RNF10: variants seen among roughly 807,000 people sequenced by gnomAD.
The protein encoded by RNF10 is ring finger protein 10, also known as E3 ubiquitin-protein ligase RNF10.
Under a neutral mutation model 91.4 loss-of-function variants are expected in RNF10, and 38 were observed. The ratio of observed to expected loss-of-function variants is 0.42; its 90% CI spans 0.32 to 0.54. The LOEUF (loss-of-function observed/expected upper bound fraction) is 0.54, where lower values mean the gene tolerates loss of function less well. Ranked by LOEUF, RNF10 falls within the 20% of genes least tolerant of loss-of-function variation. The probability of loss-of-function intolerance (pLI) is 0.16; values close to 1 mark genes in which losing one functional copy is unlikely to be tolerated. For missense variants in RNF10, 945 were observed against 1,012.0 expected (o/e 0.93, Z 0.90); for synonymous variants, 364 against 366.3 (o/e 0.99, Z 0.07).
Position 120,545,705 on chromosome 12 carries a change from T to C in RNF10, c.158-700T>C, listed in dbSNP as rs148356990. ...GGTGCCCGCCACCATGCGCGGCTAA[T>C]TTTTTGTATTTTTAATAGACATGGG... On this transcript the variant is annotated intron_variant, in intron 1 of 16. Coordinates refer to ENST00000325954, the MANE Select transcript of RNF10 (RefSeq NM_014868.5). Among the ~76,000 whole-genome samples, 1,313 of 152,144 alleles carry C rather than the reference T, an allele frequency of 8.6e-3. 14 individuals carry two copies. The highest frequency in any genetic ancestry group is 0.03 in the African/African-American group (1,250 of 41,508).
chr12:120,573,584 T>TA (rs1565974196), intron 14 of RNF10, among the ~76,000 whole-genome samples: 37 of 134,458 alleles, frequency 2.8e-4, no homozygotes, highest in African/African-American at 1.2e-3. Flanking sequence ...GAGTCATTTA[T>TA]CAAAAAAAAA....
Position 120,552,615 on chromosome 12 carries a change from T to G in RNF10, c.471T>G (p.Phe157Leu), listed in dbSNP as rs1012397616. 1 of 1,614,072 alleles carries G rather than the reference T, an allele frequency of 6.2e-7. No individual in the cohort carries two copies. The highest frequency in any genetic ancestry group is 8.5e-7 in the Non-Finnish European group (1 of 1,180,038). The part of the protein sequence containing the change: ...TFEPRGQTGH[F>L]EGSGHGSWGK... ...AACCCCGTGGCCAGACGGGTCACTTTGAAGGCAGTGGACATGGTAGCTGGG... is the reference window on the plus strand; with the variant it reads ...AACCCCGTGGCCAGACGGGTCACTTGGAAGGCAGTGGACATGGTAGCTGGG... Residue 157 changes from phenylalanine (F) to leucine (L), a missense_variant, in exon 3 of 17, where the codon TTT becomes TTG. By Grantham distance (22) the Phe-to-Leu change is conservative. Coordinates refer to ENST00000325954, the MANE Select transcript of RNF10 (RefSeq NM_014868.5).
At chr12:120,567,333 C>T (rs995443079) in intron 13 of RNF10, among the ~76,000 whole-genome samples, 2 of 77,098 alleles carry the variant, frequency 2.6e-5, no homozygotes, top group African/African-American at 5.9e-5. Context: ...GTTTTAATAG[C>T]TCAAAAAAAA....
chr12:120,563,124 GCTGGTAGGCATTA>G (rs1219315723), intron 8 of RNF10, 54 bp downstream of exon 8: 2 of 1,611,470 alleles, frequency 1.2e-6, no homozygotes, highest in Admixed American at 3.3e-5. Context: ...CTGTCATTGA[GCTGGTAGGCATTA>G]CTGTGAGATC....
At position 120,567,037 on chromosome 12, in the gene RNF10, G is replaced by A. The variant is rs1875844291; in HGVS notation, c.2041+57G>A. 5.8e-6 allele frequency: 9 copies of A among 1,546,718 alleles called. No individual in the cohort carries two copies. The Admixed American group carries it at 1.5e-4, about 25-fold the overall frequency. ...TCAGTTAGACCTTATGCAAAGCTTT[G>A]GTGTCTGAGTTTACAACCCCGGCCC... On this transcript the variant is annotated intron_variant, in intron 13 of 16. Coordinates refer to ENST00000325954, the MANE Select transcript of RNF10 (RefSeq NM_014868.5).
At chr12:120,558,675 T>C (rs1266762548) in intron 6 of RNF10, among the ~76,000 whole-genome samples, 4 of 150,832 alleles carry the variant, frequency 2.7e-5, no homozygotes, top group Non-Finnish European at 5.9e-5. Context: ...TTTGAGCGAT[T>C]CTCGTGCCTC....
At chr12:120,559,252 G>T (rs1444254560) in intron 6 of RNF10, among the ~76,000 whole-genome samples, 1 of 145,836 alleles carries the variant, frequency 6.9e-6, no homozygotes, top group African/African-American at 2.6e-5. Context: ...TGTGATCTCG[G>T]CTCACTGCAA....
At chr12:120,540,908 G>A (rs1209772224) in intron 1 of RNF10, among the ~76,000 whole-genome samples, 1 of 149,472 alleles carries the variant, frequency 6.7e-6, no homozygotes, top group Non-Finnish European at 1.5e-5. Context: ...AGGCTGGAGT[G>A]TAGTGGTGCA....
At chr12:120,572,301 C>T (rs1249918177) in intron 14 of RNF10, among the ~76,000 whole-genome samples, 6 of 152,092 alleles carry the variant, frequency 3.9e-5, no homozygotes, top group South Asian at 2.1e-4. Flanking sequence ...CTCCTGACCT[C>T]GTGATCCGCC....
chr12:120,542,379 C>T (rs1024591263), intron 1 of RNF10, among the ~76,000 whole-genome samples: 9 of 151,820 alleles, frequency 5.9e-5, no homozygotes, highest in African/African-American at 1.5e-4. Flanking sequence ...GTCGCAAACT[C>T]GTGGACTCAA....
Position 120,577,501 on chromosome 12 carries a change from T to C in RNF10, c.*835T>C, listed in dbSNP as rs148143877. On this transcript the variant is annotated 3_prime_UTR_variant, in exon 17 of 17. Transcript: ENST00000325954. ...ATGCCTTGGTTTGAGCTGAATTTGA[T>C]GTGAATTCTTTTGCTGCTTAATAAA... The C allele has an allele frequency of 1.2e-3, 270 of 223,506 alleles. No homozygotes were observed. Among genetic ancestry groups the C allele is most frequent in the African/African-American group, 5.7e-3 (239 of 42,044 alleles). The allele number at this position is 223,506 out of a possible 1,614,324, so 13.8% of individuals were successfully genotyped here.
intron 1 of RNF10, among the ~76,000 whole-genome samples, chr12:120,541,897 C>T (rs1319969831): frequency 6.6e-6 from 1 of 151,192 alleles, no homozygotes; most frequent in Non-Finnish European, 1.5e-5. Context: ...GATGGAGTCT[C>T]ACTGTGTCTC....
Position 120,557,431 on chromosome 12 carries a change from C to G in RNF10, c.795C>G (p.Ile265Met). The change falls in exon 5 of 17, where the codon ATC (isoleucine) becomes ATG (methionine). Residue 265 changes from isoleucine to methionine, a missense_variant. By Grantham distance (10) the Ile-to-Met change is conservative (BLOSUM62 1). Transcript: ENST00000325954. Reference protein sequence around the residue: ...LSEKTWSKCPICYSSVHKKDL... With the variant: ...LSEKTWSKCPMCYSSVHKKDL... ...AGAAGACGTGGAGTAAATGTCCCAT[C>G]TGTTACAGTTCTGTGCATAAGAAGG... 2 of 1,614,204 alleles carry G rather than the reference C, an allele frequency of 1.2e-6. No homozygotes were observed. The highest frequency in any genetic ancestry group is 1.7e-6 in the Non-Finnish European group (2 of 1,180,044).
chr12:120,557,714 C>T, intron 6 of RNF10, 32 bp downstream of exon 6: 1 of 1,610,796 alleles, frequency 6.2e-7, no homozygotes, highest in Non-Finnish European at 8.5e-7. Flanking sequence ...GACAAATAAT[C>T]CTGGGTACAT....
At chr12:120,559,256 A>T (rs1874489178) in intron 6 of RNF10, among the ~76,000 whole-genome samples, 1 of 137,210 alleles carries the variant, frequency 7.3e-6, no homozygotes, top group South Asian at 2.2e-4. Context: ...ATCTCGGCTC[A>T]CTGCAACCTC....
At chr12:120,549,801 T>C (rs1872778366) in intron 2 of RNF10, among the ~76,000 whole-genome samples, 1 of 152,030 alleles carries the variant, frequency 6.6e-6, no homozygotes, top group Non-Finnish European at 1.5e-5. Context: ...AATAAGTGAA[T>C]AAATAAATAA....
intron 1 of RNF10, chr12:120,539,303 G>A: frequency 1.3e-6 from 1 of 777,444 alleles, no homozygotes; most frequent in Non-Finnish European, 1.9e-6. Flanking sequence ...ATCACACTTA[G>A]CAAGCAGATA....
rs756720221 is a variant in RNF10 at position 120,554,821 on chromosome 12, G to A, written c.645+13G>A. The A allele has an allele frequency of 2.5e-6, 4 of 1,604,914 alleles. No individual in the cohort carries two copies. Among genetic ancestry groups the A allele is most frequent in the Middle Eastern group, 3.3e-4 (2 of 6,044 alleles). ...TGTGGAACAAGTGGTGAGTAGCTCA[G>A]CCAAGCCCATAAGCTATGAATGGGA... On this transcript the variant is annotated intron_variant, in intron 4 of 16. Transcript: ENST00000325954.
chr12:120,541,526 C>T (rs1396742089), intron 1 of RNF10, among the ~76,000 whole-genome samples: 1 of 151,798 alleles, frequency 6.6e-6, no homozygotes, highest in Non-Finnish European at 1.5e-5. Flanking sequence ...GCCCCGCCTC[C>T]CGGGTTCACG....
Sources: allele counts gnomAD v4.1 joint callset (sites outside exome capture counted in the v4.1 genomes callset), GRCh38; gene constraint gnomAD v4.1.1; transcripts MANE v1.5; gene names NCBI Gene and HGNC (gene_info 2026-07-23, HGNC 2026-07-21).